Variants in HS3ST4 observed in about 807,000 individuals in gnomAD.
The protein encoded by HS3ST4 is heparan sulfate-glucosamine 3-sulfotransferase 4.
HS3ST4 carries 17 observed loss-of-function variants against 29.2 expected under a neutral mutation model. The observed-to-expected ratio is 0.58, with a 90% CI of 0.40 to 0.87. HS3ST4 has a LOEUF of 0.87. Among genes scored for constraint, HS3ST4 ranks in the 40% least tolerant of loss-of-function variants. The pLI, the probability that HS3ST4 is intolerant of heterozygous loss-of-function variation, is 0.00. For missense variants in HS3ST4, 627 were observed against 634.5 expected, an observed-to-expected ratio of 0.99 and a Z score of 0.13; for synonymous variants, 314 against 285.7, an observed-to-expected ratio of 1.10 and a Z score of -1.00.
intron 1 of HS3ST4, among the ~76,000 whole-genome samples, chr16:25,818,086 G>C (rs1170203136): frequency 6.6e-6 from 1 of 152,204 alleles, no homozygotes; most frequent in Admixed American, 6.5e-5. Context: ...AGATGGAATA[G>C]TGTGAGGGAC....
intron 1 of HS3ST4, among the ~76,000 whole-genome samples, chr16:25,857,940 C>CTTTCT (rs1567257147): frequency 4.0e-5 from 2 of 50,290 alleles, no homozygotes; most frequent in Non-Finnish European, 7.1e-5. Flanking sequence ...TTCTTTCTTT[C>CTTTCT]TTTCTTTCTT....
intron 1 of HS3ST4, among the ~76,000 whole-genome samples, chr16:25,806,873 A>G (rs1277514194): frequency 6.6e-6 from 1 of 152,074 alleles, no homozygotes; most frequent in Non-Finnish European, 1.5e-5. Flanking sequence ...GTGCATGAAT[A>G]TTTAGTTCTG....
chr16:26,099,105 G>A (rs1460567562), intron 1 of HS3ST4, among the ~76,000 whole-genome samples: 1 of 152,140 alleles, frequency 6.6e-6, no homozygotes, highest in East Asian at 1.9e-4. Flanking sequence ...AGAAAACAGA[G>A]GCTCACAGTA....
At chr16:25,873,546 A>C (rs551189219) in intron 1 of HS3ST4, among the ~76,000 whole-genome samples, 2,671 of 130,684 alleles carry the variant, frequency 0.02, 125 homozygotes, top group African/African-American at 0.071. Context: ...ATCTTTCTCT[A>C]TCTATCTGTC....
rs1362942771 is a variant in HS3ST4 at position 25,693,136 on chromosome 16, G to C, written c.719G>C (p.Gly240Ala). Residue 240 changes from glycine (G) to alanine (A), a missense_variant, in exon 1 of 2, where the codon GGG (glycine) becomes GCG (alanine). Gly to Ala is a moderately conservative substitution (Grantham distance 60). Coordinates refer to ENST00000331351, the MANE Select transcript of HS3ST4 (RefSeq NM_006040.3). ...PHFFDRNYEKGLEWYRNVMPK... is the reference protein window; with the variant it reads ...PHFFDRNYEKALEWYRNVMPK... ...TTCTTCGACAGGAACTACGAAAAGG[G>C]GTTGGAGTGGTACAGGTAGGACCCT... is the stretch of plus-strand genomic sequence containing the variant. 2 of 1,606,804 alleles carry C rather than the reference G, an allele frequency of 1.2e-6. No homozygotes were observed. The highest frequency in any genetic ancestry group is 2.7e-5 in the African/African-American group (2 of 74,646).
At chr16:25,852,757 A>C (rs1456853124) in intron 1 of HS3ST4, among the ~76,000 whole-genome samples, 2 of 151,968 alleles carry the variant, frequency 1.3e-5, no homozygotes, top group Non-Finnish European at 2.9e-5. Context: ...ATTTCCCTTG[A>C]TTATTTTGTT....
intron 1 of HS3ST4, among the ~76,000 whole-genome samples, chr16:25,831,384 A>G (rs1294578809): frequency 7.0e-6 from 1 of 142,550 alleles, no homozygotes; most frequent in African/African-American, 2.6e-5. Context: ...CAACATAATG[A>G]GACCCCGTCT....
chr16:25,948,566 T>C (rs1280162222), intron 1 of HS3ST4, among the ~76,000 whole-genome samples: 1 of 152,184 alleles, frequency 6.6e-6, no homozygotes, highest in African/African-American at 2.4e-5. Context: ...ATTTCTCCTG[T>C]TGCTGCATTC....
rs369948162 is a variant in HS3ST4, at chr16:25,715,660, T to A, written c.734+22509T>A. Among the ~76,000 whole-genome samples, 5 of 152,232 alleles carry A rather than the reference T, an allele frequency of 3.3e-5. No homozygotes were observed. In the East Asian group the frequency reaches 9.6e-4, roughly 29 times the overall value. On this transcript the variant is annotated intron_variant, in intron 1 of 1. Coordinates refer to ENST00000331351, the MANE Select transcript of HS3ST4 (RefSeq NM_006040.3). ...TTCACCGTGAGGCCAAAGATTCCTT[T>A]TTTAAACTTTTCCGAAGTGAATTGG...
intron 1 of HS3ST4, among the ~76,000 whole-genome samples, chr16:26,119,463 A>ACAAGGAAT (rs1475931935): frequency 3.9e-5 from 6 of 152,330 alleles, no homozygotes; most frequent in Non-Finnish European, 1.5e-5. Context: ...GCGTAAGGAA[A>ACAAGGAAT]CAAGGAATCC....
rs961644676 is a variant in HS3ST4 at position 25,753,984 on chromosome 16, C to T, written c.734+60833C>T. The stretch of plus-strand genomic sequence containing the variant: ...TAAACAGGTAAACAGAAATATACAA[C>T]GTAATTTAAGACAGCCAGAATCGCT... On this transcript the variant is annotated intron_variant, in intron 1 of 1. Coordinates refer to ENST00000331351, the MANE Select transcript of HS3ST4 (RefSeq NM_006040.3). 6.6e-5 allele frequency among the ~76,000 whole-genome samples: 10 copies of T among 151,982 alleles called. 1 individual carries two copies. The highest frequency in any genetic ancestry group is 4.2e-4 in the South Asian group (2 of 4,816).
intron 1 of HS3ST4, among the ~76,000 whole-genome samples, chr16:26,116,945 AAATCCCAAATC>A (rs1899209456): frequency 6.6e-6 from 1 of 152,220 alleles, no homozygotes. Flanking sequence ...AATCTGAAAA[AAATCCCAAATC>A]TGAAACACTT....
chr16:25,909,334 A>G (rs11861052), intron 1 of HS3ST4, among the ~76,000 whole-genome samples: 20,236 of 152,100 alleles, frequency 0.13, 1,573 homozygotes, highest in African/African-American at 0.2. Flanking sequence ...GACTACAGGC[A>G]TGCACTACCG....
chr16:26,113,297 T>G, intron 1 of HS3ST4, among the ~76,000 whole-genome samples: 1 of 151,854 alleles, frequency 6.6e-6, no homozygotes, highest in East Asian at 1.9e-4. Flanking sequence ...ATACCAAAAT[T>G]TAGCTGGGTG....
intron 1 of HS3ST4, among the ~76,000 whole-genome samples, chr16:25,747,651 G>C (rs1185123929): frequency 6.6e-6 from 1 of 152,212 alleles, no homozygotes; most frequent in Non-Finnish European, 1.5e-5. Flanking sequence ...ACTCAAGCCT[G>C]GTTCCTTCTG....
intron 1 of HS3ST4, among the ~76,000 whole-genome samples, chr16:25,957,216 T>C (rs988559604): frequency 2.6e-5 from 4 of 152,084 alleles, no homozygotes; most frequent in African/African-American, 9.6e-5. Context: ...ATTCCTCCTT[T>C]AGAAAAAACC....
intron 1 of HS3ST4, among the ~76,000 whole-genome samples, chr16:26,024,049 A>G (rs907768936): frequency 6.6e-6 from 1 of 151,872 alleles, no homozygotes; most frequent in Admixed American, 6.6e-5. Flanking sequence ...ACATGTTGAA[A>G]CCCTATCTCT....
chr16:26,115,919 T>C (rs1899196124), intron 1 of HS3ST4, among the ~76,000 whole-genome samples: 1 of 152,242 alleles, frequency 6.6e-6, no homozygotes, highest in Non-Finnish European at 1.5e-5. Flanking sequence ...TATCATTCCC[T>C]TATTTTATGG....
chr16:25,977,935 T>G (rs1208800563), intron 1 of HS3ST4, among the ~76,000 whole-genome samples: 2 of 152,034 alleles, frequency 1.3e-5, no homozygotes, highest in Non-Finnish European at 2.9e-5. Flanking sequence ...CAAGTTGTAA[T>G]GGAAAAAAAG....
Sources: gnomAD v4.1 joint callset for allele counts (sites outside exome capture counted in the v4.1 genomes callset) on GRCh38, gnomAD v4.1.1 for gene constraint, MANE v1.5 for transcripts, NCBI Gene and HGNC (gene_info 2026-07-23, HGNC 2026-07-21) for gene names.